ADGRD1: variants seen among roughly 807,000 people sequenced by gnomAD.
The protein encoded by ADGRD1 is G-protein coupled receptor 133.
ADGRD1 carries 77 observed loss-of-function variants against 113.4 expected under a neutral mutation model. That is an observed-to-expected ratio of 0.68 (90% CI 0.57 to 0.82). ADGRD1 has a LOEUF of 0.82. Among genes scored for constraint, ADGRD1 ranks in the 40% least tolerant of loss-of-function variants. The pLI is 0.00. For synonymous variants in ADGRD1, 474 were observed against 475.0 expected (o/e 1.00, Z 0.03); for missense variants, 1,036 against 1,139.1 (o/e 0.91, Z 1.30).
At chr12:131,038,156 A>AT (rs1881735825) in intron 13 of ADGRD1, among the ~76,000 whole-genome samples, 1 of 152,082 alleles carries the variant, frequency 6.6e-6, no homozygotes, top group South Asian at 2.1e-4. Flanking sequence ...CTTTCTGCTG[A>AT]TTTTTGCTCT....
rs372427219 is a variant in ADGRD1, at chr12:131,084,670, G to A, written c.1671+7G>A. 1.6e-4 allele frequency: 265 copies of A among 1,613,672 alleles called. No individual in the cohort carries two copies. The highest frequency in any genetic ancestry group is 2.2e-4 in the Non-Finnish European group (256 of 1,179,858). On this transcript the variant is annotated splice_region_variant and intron_variant, in intron 15 of 24. Transcript: ENST00000261654. This position sits in a 1 kb window ranked among gnomAD's most constrained non-coding sequence, Gnocchi z 4.5. The stretch of plus-strand genomic sequence containing the variant: ...GCAGGTGGTCCCGCTGGAGGTAAGA[G>A]CCAGGCCTCAGGGGTCGCGGGACCT...
intron 12 of ADGRD1, among the ~76,000 whole-genome samples, chr12:131,010,431 A>G (rs1413575991): frequency 6.6e-6 from 1 of 152,190 alleles, no homozygotes; most frequent in Non-Finnish European, 1.5e-5. Flanking sequence ...AGGACTTGAT[A>G]ATTCTCCAAA....
intron 13 of ADGRD1, among the ~76,000 whole-genome samples, chr12:131,019,321 A>C (rs968711446): frequency 2.4e-4 from 37 of 152,154 alleles, no homozygotes; most frequent in African/African-American, 7.5e-4. Context: ...AGGGCTACGC[A>C]GGAGGCCTTT....
intron 13 of ADGRD1, among the ~76,000 whole-genome samples, chr12:131,029,278 C>A (rs191947518): frequency 3.2e-4 from 49 of 152,350 alleles, no homozygotes; most frequent in African/African-American, 1.1e-3. Flanking sequence ...ACACTTGAAC[C>A]TGCAGTGCGA....
At chr12:130,959,001 G>T (rs564532566) in intron 2 of ADGRD1, among the ~76,000 whole-genome samples, 1 of 152,206 alleles carries the variant, frequency 6.6e-6, no homozygotes, top group Admixed American at 6.5e-5. Context: ...AGCTCACAGC[G>T]TGAGGGGAAT....
chr12:131,126,714 T>C (rs542579105), intron 20 of ADGRD1, among the ~76,000 whole-genome samples: 110 of 152,346 alleles, frequency 7.2e-4, no homozygotes, highest in Admixed American at 2.8e-3. Flanking sequence ...ACTGCCTCCA[T>C]GTGCATTCCA....
intron 13 of ADGRD1, among the ~76,000 whole-genome samples, chr12:131,054,126 C>T (rs935453018): frequency 6.6e-6 from 1 of 152,176 alleles, no homozygotes; most frequent in African/African-American, 2.4e-5. Flanking sequence ...AACAAAAACA[C>T]ACTTACTGAG....
chr12:130,972,996 G>A (rs1871869183), intron 4 of ADGRD1: 1 of 152,240 alleles, frequency 6.6e-6, no homozygotes, highest in Non-Finnish European at 1.5e-5. Context: ...ATTCTGGCCT[G>A]TGGCTGTGTT....
chr12:131,062,588 C>T (rs7313652), intron 13 of ADGRD1, among the ~76,000 whole-genome samples: 1 of 152,070 alleles, frequency 6.6e-6, no homozygotes, highest in Admixed American at 6.5e-5. Flanking sequence ...GTAGTGAATA[C>T]GTCTCTTGAG....
At chr12:131,121,015 G>C in intron 20 of ADGRD1, 102 bp downstream of exon 20, 1 of 1,031,406 alleles carries the variant, frequency 9.7e-7, no homozygotes, top group East Asian at 2.4e-5. Flanking sequence ...AGGAGCTTCC[G>C]AAGGATGCAG....
chr12:131,088,548 C>G (rs1221543705), intron 15 of ADGRD1, among the ~76,000 whole-genome samples: 2 of 152,142 alleles, frequency 1.3e-5, no homozygotes, highest in East Asian at 3.9e-4. Context: ...CGGCCCTGAG[C>G]AAGGACAGTC....
chr12:131,031,376 C>A (rs562938297), intron 13 of ADGRD1, among the ~76,000 whole-genome samples: 2 of 152,156 alleles, frequency 1.3e-5, no homozygotes, highest in Non-Finnish European at 2.9e-5. Context: ...CAGGAGAATT[C>A]GGGGAGACTG....
At chr12:131,131,227 G>A (rs1045725120) in intron 20 of ADGRD1, among the ~76,000 whole-genome samples, 29 of 152,212 alleles carry the variant, frequency 1.9e-4, no homozygotes, top group South Asian at 6.2e-4. Flanking sequence ...GTGCTGGCAG[G>A]AGATGATGCC....
chr12:131,055,748 C>G (rs984907905), intron 13 of ADGRD1, among the ~76,000 whole-genome samples: 4 of 152,200 alleles, frequency 2.6e-5, no homozygotes, highest in Non-Finnish European at 5.9e-5. Flanking sequence ...TGAACGAGCA[C>G]AGACTCTGGG....
intron 15 of ADGRD1, among the ~76,000 whole-genome samples, chr12:131,098,489 G>C (rs571654150): frequency 1.2e-4 from 19 of 152,316 alleles, no homozygotes; most frequent in Admixed American, 5.2e-4. Flanking sequence ...GGCTGGTGCT[G>C]TGGGGAGACC....
At position 131,026,115 on chromosome 12, in the gene ADGRD1, T is replaced by C. The variant is rs117001538; in HGVS notation, c.1473+11775T>C. On this transcript the variant is annotated intron_variant, in intron 13 of 24. Transcript: ENST00000261654. ...GCAAGTGGGAATGGTCAGTGAGGTG[T>C]CATCTGTGCTTCTCCCCTGCTGGGG... The C allele has an allele frequency of 8.5e-3, 1,296 of 152,334 alleles. 17 individuals are homozygous for C. The highest frequency in any genetic ancestry group is 0.03 in the Middle Eastern group (9 of 296). 9.4% of individuals were successfully genotyped at this position (152,334 alleles called of 1,614,324 possible).
rs530951799 is a variant in ADGRD1 at position 131,070,504 on chromosome 12, T to C, written c.1474-6297T>C. On this transcript the variant is annotated intron_variant, in intron 13 of 24. Transcript: ENST00000261654. ...TTTGCAGGTGGGTAGGAGTTTGTGT[T>C]GTACTCGGAGGCTGGGAGCCCCTGG... The C allele has an allele frequency of 1.8e-3, 354 of 192,638 alleles. 1 individual carries two copies. Among genetic ancestry groups the C allele is most frequent in the African/African-American group, 7.9e-3 (343 of 43,394 alleles). The allele number at this position is 192,638 out of a possible 1,614,324, so 11.9% of individuals were successfully genotyped here.
intron 13 of ADGRD1, among the ~76,000 whole-genome samples, chr12:131,063,190 T>A (rs958286244): frequency 1.3e-5 from 2 of 152,250 alleles, no homozygotes; most frequent in African/African-American, 4.8e-5. Flanking sequence ...TCTGGATTAT[T>A]ATAGATATGA....
intron 11 of ADGRD1, among the ~76,000 whole-genome samples, chr12:131,004,604 C>T (rs931230953): frequency 7.2e-5 from 11 of 152,162 alleles, no homozygotes; most frequent in Non-Finnish European, 1.0e-4. Context: ...TCAACCTGCT[C>T]GCCTGGGGAA....
Sources: gnomAD v4.1 joint callset for allele counts (sites outside exome capture counted in the v4.1 genomes callset) on GRCh38, gnomAD v4.1.1 for gene constraint, Gnocchi (gnomAD v3.1) non-coding constraint, MANE v1.5 for transcripts, NCBI Gene and HGNC (gene_info 2026-07-23, HGNC 2026-07-21) for gene names.